CCDC171: variants seen among roughly 807,000 people sequenced by gnomAD.
CCDC171 encodes coiled-coil domain containing 171.
In CCDC171, 177 loss-of-function variants were observed where a neutral mutation model predicts 168.2. The ratio of observed to expected loss-of-function variants is 1.05; its 90% CI spans 0.93 to 1.19. The LOEUF is 1.19. CCDC171 is among the 50% of genes most tolerant of loss of function. The pLI, the probability that CCDC171 is intolerant of heterozygous loss-of-function variation, is 0.00. For missense variants in CCDC171, 1,991 were observed against 1,539.0 expected, an observed-to-expected ratio of 1.29 and a Z score of -4.91; for synonymous variants, 687 against 540.8, an observed-to-expected ratio of 1.27 and a Z score of -3.75.
At chr9:15,612,654 G>T (rs1392799932) in intron 6 of CCDC171, among the ~76,000 whole-genome samples, 2 of 152,044 alleles carry the variant, frequency 1.3e-5, no homozygotes, top group Admixed American at 6.6e-5. Flanking sequence ...TATTTTCTTG[G>T]TTGGGCACAT....
intron 2 of CCDC171, among the ~76,000 whole-genome samples, chr9:15,570,019 G>A (rs1001414752): frequency 2.0e-5 from 3 of 151,658 alleles, no homozygotes; most frequent in Non-Finnish European, 4.4e-5. Flanking sequence ...TGCCCAGGGT[G>A]GAGTTCAAAG....
chr9:15,615,989 C>T (rs551440087), intron 6 of CCDC171, among the ~76,000 whole-genome samples: 4 of 152,154 alleles, frequency 2.6e-5, no homozygotes, highest in East Asian at 1.9e-4. Flanking sequence ...CTCGCTCTGT[C>T]GCCCAGGCTG....
intron 4 of CCDC171, among the ~76,000 whole-genome samples, chr9:15,586,648 A>G (rs1404387652): frequency 1.3e-5 from 2 of 152,190 alleles, no homozygotes; most frequent in Non-Finnish European, 2.9e-5. Flanking sequence ...TTCCAAGAGC[A>G]TGCTACTCTG....
chr9:15,608,986 TTA>T (rs2043443867), intron 6 of CCDC171, among the ~76,000 whole-genome samples: 4 of 147,192 alleles, frequency 2.7e-5, no homozygotes, highest in African/African-American at 1.0e-4. Flanking sequence ...TGGTTTTTTT[TTA>T]AAAAATATAT....
rs2061016680 is a variant in CCDC171, at chr9:15,849,003, T to A, written c.3468+56T>A. ...TTTGTGTCATGACACCTAGTCATTA[T>A]TTTTATTAGCCACAAAGTACTTTCA... is the stretch of plus-strand genomic sequence containing the variant. On this transcript the variant is annotated intron_variant, in intron 23 of 25. Transcript: ENST00000380701. 1.2e-5 allele frequency: 10 copies of A among 841,748 alleles called. No individual in the cohort carries two copies. In the South Asian group the frequency reaches 1.9e-4, roughly 16 times the overall value. The allele number at this position is 841,748 out of a possible 1,614,324, so 52.1% of individuals were successfully genotyped here. A position where few individuals can be genotyped will look rare whatever the true frequency, so the allele number is the denominator to read the frequency against.
intron 4 of CCDC171, among the ~76,000 whole-genome samples, chr9:15,583,525 C>G (rs1402257929): frequency 2.0e-5 from 3 of 151,848 alleles, no homozygotes; most frequent in Non-Finnish European, 2.9e-5. Context: ...GGCCATTATT[C>G]TAAGTGAAGT....
At chr9:15,996,126 C>A (rs1180947627) in intron 3 of CCDC171, among the ~76,000 whole-genome samples, 1 of 152,152 alleles carries the variant, frequency 6.6e-6, no homozygotes, top group Non-Finnish European at 1.5e-5. Context: ...ATAAATGATT[C>A]CTCTTTTTCT....
At chr9:16,074,707 C>T in the CCDC171 span, among the ~76,000 whole-genome samples, 1 of 152,060 alleles carries the variant, frequency 6.6e-6, no homozygotes, top group Admixed American at 6.6e-5. Flanking sequence ...ATATTCCAGG[C>T]AGAAGAACAA....
At chr9:15,632,552 C>G (rs1395772492) in intron 7 of CCDC171, among the ~76,000 whole-genome samples, 14 of 152,242 alleles carry the variant, frequency 9.2e-5, no homozygotes, top group Non-Finnish European at 5.9e-5. Context: ...ACATTCCATG[C>G]TCATGGGTAG....
At position 15,779,146 on chromosome 9, in the gene CCDC171, A is replaced by T; in HGVS notation, c.3077A>T (p.Gln1026Leu). Residue 1026 changes from glutamine to leucine, a missense_variant, in exon 20 of 26, where the codon CAG (glutamine) becomes CTG (leucine). Physicochemically the swap from Gln to Leu is moderately radical, Grantham distance 113. Transcript: ENST00000380701. ...CAAATGCAATTAAATGAATTTAAGC[A>T]GTCTGTAAGTATATATCATTTAGGA... The part of the protein sequence containing the change: ...GLQMQLNEFK[Q>L]SKLITHEKFE... 6.4e-7 allele frequency: 1 copy of T among 1,551,532 alleles called. No individual in the cohort carries two copies. The highest frequency in any genetic ancestry group is 8.7e-7 in the Non-Finnish European group (1 of 1,149,876).
At chr9:15,670,933 G>A (rs1055673201) in intron 9 of CCDC171, among the ~76,000 whole-genome samples, 1 of 151,938 alleles carries the variant, frequency 6.6e-6, no homozygotes, top group Non-Finnish European at 1.5e-5. Context: ...GCTGGAGGCC[G>A]AGGTGGGGGA....
intron 24 of CCDC171, among the ~76,000 whole-genome samples, chr9:15,884,848 TA>T (rs1473853640): frequency 6.6e-6 from 1 of 152,204 alleles, no homozygotes; most frequent in East Asian, 1.9e-4. Flanking sequence ...GACTGAACTA[TA>T]AAAGGCCTAA....
chr9:15,576,831 A>G (rs1338088949), intron 3 of CCDC171, among the ~76,000 whole-genome samples: 2 of 152,148 alleles, frequency 1.3e-5, no homozygotes, highest in Non-Finnish European at 2.9e-5. Context: ...TTCCTTCTGT[A>G]GCATACTGAG....
intron 1 of CCDC171, among the ~76,000 whole-genome samples, chr9:15,554,204 T>G (rs2038589179): frequency 6.6e-6 from 1 of 152,140 alleles, no homozygotes; most frequent in Non-Finnish European, 1.5e-5. Context: ...GTATTTTTAG[T>G]GGAGACGGGG....
intron 7 of CCDC171, among the ~76,000 whole-genome samples, chr9:15,638,464 A>G (rs1207789733): frequency 6.6e-6 from 1 of 152,086 alleles, no homozygotes; most frequent in Non-Finnish European, 1.5e-5. Flanking sequence ...GAATTAAGGT[A>G]AGATGGGATA....
intron 3 of CCDC171, among the ~76,000 whole-genome samples, chr9:16,001,053 G>T (rs1832527932): frequency 6.6e-6 from 1 of 152,130 alleles, no homozygotes; most frequent in Non-Finnish European, 1.5e-5. Context: ...CAAGAGGGTT[G>T]TATGTATATA....
intron 25 of CCDC171, among the ~76,000 whole-genome samples, chr9:15,969,781 G>A (rs1831162954): frequency 6.6e-6 from 1 of 152,124 alleles, no homozygotes; most frequent in Non-Finnish European, 1.5e-5. Flanking sequence ...TTAGTAGATG[G>A]CACTGTAATG....
In CCDC171 at chr9:15,686,273, C is replaced by T. The variant is rs576499848; in HGVS notation, c.1215+7377C>T. Reference sequence around the variant, plus strand: ...ACATAAATTTTGGAGGCATATTGATCTGGGTTTTAATCCCAGACCCTATCT... The same window carrying T: ...ACATAAATTTTGGAGGCATATTGATTTGGGTTTTAATCCCAGACCCTATCT... On this transcript the variant is annotated intron_variant, in intron 10 of 25. Coordinates refer to ENST00000380701, the MANE Select transcript of CCDC171 (RefSeq NM_173550.4). 2.0e-4 allele frequency among the ~76,000 whole-genome samples: 31 copies of T among 152,236 alleles called. 1 individual carries two copies. The South Asian group carries it at 5.8e-3, about 29-fold the overall frequency.
chr9:15,971,608 G>T lies in CCDC171; in HGVS notation c.3754-1G>T. The T allele has an allele frequency of 6.2e-7, 1 of 1,608,456 alleles. No homozygotes were observed. Among genetic ancestry groups the T allele is most frequent in the East Asian group, 2.2e-5 (1 of 44,822 alleles). On this transcript the variant is annotated splice_acceptor_variant, in intron 25 of 25. Transcript: ENST00000380701. LOFTEE classifies it high-confidence loss of function. Reference sequence around the variant, plus strand: ...TTATTTTTTTCTTTTGTATGTCACAGATAGGATCACGAGACCATTCAAATC... The same window carrying T: ...TTATTTTTTTCTTTTGTATGTCACATATAGGATCACGAGACCATTCAAATC...
Sources: allele counts gnomAD v4.1 joint callset (sites outside exome capture counted in the v4.1 genomes callset), GRCh38; gene constraint gnomAD v4.1.1; transcripts MANE v1.5; gene names NCBI Gene and HGNC (gene_info 2026-07-23, HGNC 2026-07-21).